Variants in XPO1 observed in about 807,000 individuals in gnomAD.
XPO1 encodes exportin 1, also known as exportin-1.
A neutral mutation model predicts 133.3 loss-of-function variants in XPO1; 5 were observed. The observed-to-expected ratio is 0.04, with a 90% CI of 0.02 to 0.08. The LOEUF is 0.08. Among genes scored for constraint, XPO1 ranks in the 10% least tolerant of loss-of-function variants. The pLI, the probability that XPO1 is intolerant of heterozygous loss-of-function variation, is 1.00. For missense variants in XPO1, 506 were observed against 1,267.5 expected, an observed-to-expected ratio of 0.40 and a Z score of 9.12; for synonymous variants, 419 against 408.2, an observed-to-expected ratio of 1.03 and a Z score of -0.32.
intron 3 of XPO1, chr2:61,526,197 C>CA (rs1459053327): frequency 7.5e-7 from 1 of 1,327,034 alleles, no homozygotes; most frequent in African/African-American, 1.5e-5. Context: ...ATCAGACAAC[C>CA]AAAAAAGCCA....
At chr2:61,509,657 T>C (rs575882488) in intron 4 of XPO1, among the ~76,000 whole-genome samples, 3 of 152,226 alleles carry the variant, frequency 2.0e-5, no homozygotes, top group East Asian at 1.9e-4. Flanking sequence ...GAAATGCTCA[T>C]TGGGCTATTT....
chr2:61,492,147 G>A lies in XPO1; in HGVS notation c.1775C>T (p.Ala592Val). ...DMACDTFIKI[A>V]QKCRRHFVQV... ...AACGAAATGCCTGCGGCATTTTTGG[G>A]CTATTTTAATGAAAGTATCACAAGC... The change falls in exon 16 of 25, where the codon GCC becomes GTC. Residue 592 changes from alanine to valine, a missense_variant. By Grantham distance (64) the Ala-to-Val change is moderately conservative (BLOSUM62 0). This residue lies in a region of XPO1 where 60 missense variants were observed against 211.0 expected (regional missense o/e 0.28). Transcript: ENST00000401558. This position sits in a 1 kb window ranked among gnomAD's most constrained non-coding sequence, Gnocchi z 5.6. 1 of 1,614,118 alleles carries A rather than the reference G, an allele frequency of 6.2e-7. No homozygotes were observed. The highest frequency in any genetic ancestry group is 8.5e-7 in the Non-Finnish European group (1 of 1,180,020).
At chr2:61,494,383 A>T (rs1430421701) in intron 11 of XPO1, 1 of 297,530 alleles carries the variant, frequency 3.4e-6, no homozygotes, top group Admixed American at 5.0e-5. Flanking sequence ...AAGTGGTATC[A>T]CAACCCAAAT....
rs1174630073 is a variant in XPO1 at position 61,482,406 on chromosome 2, A to C, written c.2946T>G (p.Leu982=). 1.2e-6 allele frequency: 2 copies of C among 1,611,502 alleles called. No individual in the cohort carries two copies. The highest frequency in any genetic ancestry group is 1.7e-6 in the Non-Finnish European group (2 of 1,179,236). ...IFLQEYVANL[L]KSAFPHLQDA... Reference sequence around the variant, plus strand: ...CTTGTAGGTGAGGGAAGGCCGACTTAAGGAGATTAGCCACATATTCCTGAA... The same window carrying C: ...CTTGTAGGTGAGGGAAGGCCGACTTCAGGAGATTAGCCACATATTCCTGAA... Residue 982 remains leucine (L), a synonymous_variant, in exon 23 of 25, where the codon CTT becomes CTG. Transcript: ENST00000401558.
intron 9 of XPO1, 58 bp downstream of exon 9, chr2:61,498,614 AT>A (rs1472306011): frequency 6.3e-6 from 10 of 1,593,732 alleles, no homozygotes; most frequent in Non-Finnish European, 8.5e-6. Context: ...AGAGCTTTAC[AT>A]GTGAAAAGAA....
At chr2:61,510,221 G>A (rs1207200179) in intron 4 of XPO1, among the ~76,000 whole-genome samples, 1 of 152,174 alleles carries the variant, frequency 6.6e-6, no homozygotes, top group East Asian at 1.9e-4. Context: ...AGGTTGCAGT[G>A]AGCCAAGATT....
chr2:61,486,965 C>T (rs1394866397), intron 19 of XPO1, among the ~76,000 whole-genome samples: 2 of 151,756 alleles, frequency 1.3e-5, no homozygotes, highest in East Asian at 1.9e-4. Context: ...CTGAGTTATA[C>T]TTAAAGAGTA....
chr2:61,531,976 A>T (rs1281696710), intron 2 of XPO1, among the ~76,000 whole-genome samples: 1 of 152,214 alleles, frequency 6.6e-6, no homozygotes, highest in East Asian at 1.9e-4. Flanking sequence ...TTTCTACTAT[A>T]GTAAAAGCAG....
At chr2:61,511,453 T>C (rs999747443) in intron 4 of XPO1, among the ~76,000 whole-genome samples, 2 of 152,120 alleles carry the variant, frequency 1.3e-5, no homozygotes, top group Non-Finnish European at 2.9e-5. Context: ...ATCACTCTGT[T>C]GCCCAGGCTG....
chr2:61,497,146 A>G (rs1697278106), intron 9 of XPO1, 139 bp from the exon 10 acceptor site: 1 of 1,122,788 alleles, frequency 8.9e-7, no homozygotes, highest in Non-Finnish European at 1.2e-6. Context: ...GAATGAACAT[A>G]TTTTATCATG....
At chr2:61,490,947 G>T (rs1696950858) in intron 16 of XPO1, among the ~76,000 whole-genome samples, 171 bp from the exon 17 acceptor site, 1 of 152,156 alleles carries the variant, frequency 6.6e-6, no homozygotes, top group Admixed American at 6.5e-5. Flanking sequence ...TTGTGGTCAG[G>T]AGTTGCAGAC....
chr2:61,514,819 A>C (rs541644245), intron 4 of XPO1, among the ~76,000 whole-genome samples: 65 of 149,498 alleles, frequency 4.3e-4, no homozygotes, highest in Middle Eastern at 3.4e-3. Context: ...TTATGAGTAT[A>C]ATCTCAGCAC....
At chr2:61,487,376 T>C (rs547436871) in intron 19 of XPO1, among the ~76,000 whole-genome samples, 2 of 152,348 alleles carry the variant, frequency 1.3e-5, no homozygotes, top group East Asian at 3.9e-4. Flanking sequence ...ACAGTTCTGT[T>C]CACATAATAC....
intron 2 of XPO1, among the ~76,000 whole-genome samples, chr2:61,531,563 A>C (rs1699156245): frequency 6.6e-6 from 1 of 152,236 alleles, no homozygotes; most frequent in Non-Finnish European, 1.5e-5. Context: ...ATACCTTTAG[A>C]TGTAGTGAAC....
chr2:61,531,077 T>C (rs946737448), intron 2 of XPO1, among the ~76,000 whole-genome samples: 28 of 152,290 alleles, frequency 1.8e-4, no homozygotes, highest in African/African-American at 6.7e-4. Flanking sequence ...CTAAAAATCA[T>C]GTTTTCCACT....
chr2:61,493,135 C>G (rs1028113339), intron 12 of XPO1, 82 bp from the exon 13 acceptor site: 33 of 1,410,760 alleles, frequency 2.3e-5, no homozygotes, highest in Non-Finnish European at 3.1e-5. Context: ...TAAAAACAAA[C>G]AAAACCAAAA....
At chr2:61,483,772 G>T in intron 21 of XPO1, 165 bp downstream of exon 21, 1 of 705,612 alleles carries the variant, frequency 1.4e-6, no homozygotes, top group Non-Finnish European at 2.3e-6. Context: ...CACTTGGAGT[G>T]GAGTGGAACA....
Position 61,482,614 on chromosome 2 carries a change from T to A in XPO1, c.2813-75A>T, listed in dbSNP as rs1573101524. 84 of 845,926 alleles carry A rather than the reference T, an allele frequency of 9.9e-5. No homozygotes were observed. In the South Asian group the frequency reaches 2.1e-3, roughly 21 times the overall value. The allele number at this position is 845,926 out of a possible 1,614,324, so 52.4% of individuals were successfully genotyped here. A position where few individuals can be genotyped will look rare whatever the true frequency, so the allele number is the denominator to read the frequency against. On this transcript the variant is annotated intron_variant, in intron 22 of 24. Transcript: ENST00000401558. ...ATCTTAGCGTTTTTTTTTGTTTTGT[T>A]TTTTTTTTTTAGACGGAGTCTCGCT...
At position 61,532,973 on chromosome 2, in the gene XPO1, T is replaced by C. The variant is rs892031254; in HGVS notation, c.126+799A>G. ...CAGGTGGATCACCTGAGGTCAGGAG[T>C]TCCAAGACCAGCCTGGCCAACACGG... On this transcript the variant is annotated intron_variant, in intron 2 of 24. Coordinates refer to ENST00000401558, the MANE Select transcript of XPO1 (RefSeq NM_003400.4). 4.0e-5 allele frequency among the ~76,000 whole-genome samples: 6 copies of C among 151,222 alleles called. No homozygotes were observed. The South Asian group carries it at 1.3e-3, about 32-fold the overall frequency.
Sources: allele counts gnomAD v4.1 joint callset (sites outside exome capture counted in the v4.1 genomes callset), GRCh38; gene constraint gnomAD v4.1.1; regional missense constraint gnomAD v4.1.1; non-coding constraint Gnocchi (gnomAD v3.1); transcripts MANE v1.5; gene names NCBI Gene and HGNC (gene_info 2026-07-23, HGNC 2026-07-21).